Variants in RIMBP2 observed in about 807,000 individuals in gnomAD.
RIMBP2 encodes RIMS-binding protein 2.
A neutral mutation model predicts 118.6 loss-of-function variants in RIMBP2; 48 were observed. The ratio of observed to expected loss-of-function variants is 0.40; its 90% CI spans 0.32 to 0.51. The LOEUF (loss-of-function observed/expected upper bound fraction) is 0.51. Ranked by LOEUF, RIMBP2 falls within the 20% of genes least tolerant of loss-of-function variation. RIMBP2 has a pLI of 0.41. For synonymous variants in RIMBP2, 762 were observed against 742.9 expected (o/e 1.03, Z -0.42); for missense variants, 1,551 against 1,768.3 (o/e 0.88, Z 2.20).
intron 4 of RIMBP2, among the ~76,000 whole-genome samples, chr12:130,503,808 T>TA (rs2050039218): frequency 6.6e-6 from 1 of 152,218 alleles, no homozygotes; most frequent in East Asian, 1.9e-4. Context: ...TTGGAGTAAC[T>TA]ATGTTCAGCC....
intron 3 of RIMBP2, among the ~76,000 whole-genome samples, chr12:130,513,680 C>G (rs2051151601): frequency 6.6e-6 from 1 of 152,182 alleles, no homozygotes; most frequent in South Asian, 2.1e-4. Flanking sequence ...AGGCTGCCTG[C>G]CTAAGAGAAT....
chr12:130,714,966 G>C (rs181845524), intron 1 of RIMBP2, among the ~76,000 whole-genome samples: 2 of 152,148 alleles, frequency 1.3e-5, no homozygotes, highest in Non-Finnish European at 2.9e-5. Flanking sequence ...CTTAGAAACC[G>C]GGTGAGTGAG....
rs546498930 is a variant in RIMBP2, at chr12:130,683,242, C to T, written c.-352+32980G>A. On this transcript the variant is annotated intron_variant, in intron 1 of 22. Transcript: ENST00000690449. The surrounding 1 kb of genome is among the most constrained non-coding windows in gnomAD (Gnocchi z 4.4). Reference sequence around the variant, plus strand: ...AAAGCTCACACGGATGGCAGTGGAACCAGAGGTCGGAGTGATGTGGCCACA... The same window carrying T: ...AAAGCTCACACGGATGGCAGTGGAATCAGAGGTCGGAGTGATGTGGCCACA... 6.6e-6 allele frequency among the ~76,000 whole-genome samples: 1 copy of T among 152,254 alleles called. No homozygotes were observed. Among genetic ancestry groups the T allele is most frequent in the South Asian group, 2.1e-4 (1 of 4,820 alleles).
intron 4 of RIMBP2, among the ~76,000 whole-genome samples, chr12:130,496,584 A>G (rs2049181537): frequency 6.6e-6 from 1 of 152,064 alleles, no homozygotes; most frequent in Non-Finnish European, 1.5e-5. Context: ...ACCAGCACAC[A>G]GTGATACCTC....
At chr12:130,416,333 G>C (rs190360091) in intron 17 of RIMBP2, among the ~76,000 whole-genome samples, 2 of 152,204 alleles carry the variant, frequency 1.3e-5, no homozygotes, top group East Asian at 3.9e-4. Flanking sequence ...TATACTATAA[G>C]GCTACAGTCA....
chr12:130,624,444 C>T (rs1566391604), intron 2 of RIMBP2, among the ~76,000 whole-genome samples: 1 of 152,156 alleles, frequency 6.6e-6, no homozygotes, highest in Non-Finnish European at 1.5e-5. Flanking sequence ...TTTGTCTATA[C>T]ACCTGCCTCT....
chr12:130,439,658 G>GT (rs1302836022), intron 11 of RIMBP2, among the ~76,000 whole-genome samples: 1 of 44,054 alleles, frequency 2.3e-5, no homozygotes, highest in Non-Finnish European at 4.1e-5. Context: ...GGGGGGATGT[G>GT]TTTTTTTGTG....
At chr12:130,561,167 T>C (rs2056793950) in intron 2 of RIMBP2, among the ~76,000 whole-genome samples, 1 of 152,034 alleles carries the variant, frequency 6.6e-6, no homozygotes, top group Non-Finnish European at 1.5e-5. Context: ...CTCACACCCC[T>C]TAGAAAAAGC....
intron 18 of RIMBP2, among the ~76,000 whole-genome samples, chr12:130,413,632 C>CAAA (rs556135470): frequency 4.1e-5 from 3 of 73,354 alleles, no homozygotes; most frequent in African/African-American, 5.3e-5. Flanking sequence ...GACTCTGTCT[C>CAAA]AAAAAAAAAA....
chr12:130,609,800 T>A (rs4759499), intron 2 of RIMBP2, among the ~76,000 whole-genome samples: 1 of 151,988 alleles, frequency 6.6e-6, no homozygotes. Flanking sequence ...GGGGACTGGT[T>A]GAGGCCCAGA....
At chr12:130,415,924 G>A (rs2076072815) in intron 17 of RIMBP2, among the ~76,000 whole-genome samples, 1 of 151,908 alleles carries the variant, frequency 6.6e-6, no homozygotes, top group Non-Finnish European at 1.5e-5. Flanking sequence ...TTCAAGCTGA[G>A]AGCCAAATCA....
intron 18 of RIMBP2, among the ~76,000 whole-genome samples, chr12:130,413,707 G>T (rs998009592): frequency 1.4e-5 from 2 of 146,934 alleles, no homozygotes; most frequent in African/African-American, 5.0e-5. Context: ...GTGTATTAAA[G>T]AACTAAGGCA....
intron 7 of RIMBP2, 38 bp from the exon 8 acceptor site, chr12:130,451,378 C>T (rs757979829): frequency 8.3e-6 from 13 of 1,573,486 alleles, no homozygotes; most frequent in Middle Eastern, 1.7e-4. Flanking sequence ...AACAAATATG[C>T]GAATAACATC....
In RIMBP2 at chr12:130,419,048, C is replaced by T. The variant is rs937828516; in HGVS notation, c.3238+3405G>A. Among the ~76,000 whole-genome samples the T allele has an allele frequency of 7.9e-5, 12 of 152,156 alleles. No individual in the cohort carries two copies. Among genetic ancestry groups the T allele is most frequent in the African/African-American group, 2.7e-4 (11 of 41,436 alleles). ...AATAAAATCAGCGTATGCGGTGACT[C>T]CACCGTATGTTCTTCCAGAGAGGAT... On this transcript the variant is annotated intron_variant, in intron 17 of 22. Coordinates refer to ENST00000690449, the MANE Select transcript of RIMBP2 (RefSeq NM_001393629.1). This position sits in a 1 kb window ranked among gnomAD's most constrained non-coding sequence, Gnocchi z 4.3.
At chr12:130,580,323 G>T (rs1379729536) in intron 2 of RIMBP2, among the ~76,000 whole-genome samples, 1 of 152,182 alleles carries the variant, frequency 6.6e-6, no homozygotes, top group Non-Finnish European at 1.5e-5. Flanking sequence ...TGAATCATGG[G>T]GGTGGTTTCC....
chr12:130,526,159 T>TG (rs1420918789), intron 2 of RIMBP2, among the ~76,000 whole-genome samples: 1 of 152,128 alleles, frequency 6.6e-6, no homozygotes, highest in Non-Finnish European at 1.5e-5. Context: ...GATACAGTCT[T>TG]GGGGGCCTAC....
At chr12:130,684,088 C>T (rs1435461907) in intron 1 of RIMBP2, among the ~76,000 whole-genome samples, 2 of 152,178 alleles carry the variant, frequency 1.3e-5, no homozygotes, top group Non-Finnish European at 2.9e-5. Flanking sequence ...TGTCTGGAGG[C>T]TGCATCTGCA....
chr12:130,421,777 G>A (rs1179219033), intron 17 of RIMBP2, among the ~76,000 whole-genome samples: 2 of 151,600 alleles, frequency 1.3e-5, no homozygotes, highest in African/African-American at 2.4e-5. Flanking sequence ...ATTATCTTGT[G>A]CATAATACTT....
chr12:130,614,356 C>T (rs113592464), intron 2 of RIMBP2, among the ~76,000 whole-genome samples: 1 of 152,178 alleles, frequency 6.6e-6, no homozygotes, highest in African/African-American at 2.4e-5. Context: ...CAGTGAGCAA[C>T]GTAAACAAAC....
Sources: allele counts gnomAD v4.1 joint callset (sites outside exome capture counted in the v4.1 genomes callset), GRCh38; gene constraint gnomAD v4.1.1; non-coding constraint Gnocchi (gnomAD v3.1); transcripts MANE v1.5; gene names NCBI Gene and HGNC (gene_info 2026-07-23, HGNC 2026-07-21).